MED13: variants seen among roughly 807,000 people sequenced by gnomAD.
The protein encoded by MED13 is mediator complex subunit 13.
Under a neutral mutation model 225.2 loss-of-function variants are expected in MED13, and 23 were observed. That is an observed-to-expected ratio of 0.10 (90% CI 0.07 to 0.14). MED13 has a LOEUF of 0.14. MED13 is among the 10% of genes least tolerant of loss of function. The probability of loss-of-function intolerance (pLI) is 1.00; values close to 1 mark genes in which losing one functional copy is unlikely to be tolerated. For synonymous variants in MED13, 942 were observed against 889.2 expected, an observed-to-expected ratio of 1.06 and a Z score of -1.06; for missense variants, 2,197 against 2,594.5, an observed-to-expected ratio of 0.85 and a Z score of 3.33.
At chr17:62,040,025 G>A (rs2080840255) in intron 3 of MED13, among the ~76,000 whole-genome samples, 1 of 152,074 alleles carries the variant, frequency 6.6e-6, no homozygotes, top group Admixed American at 6.6e-5. Flanking sequence ...TCCTGCCGCA[G>A]CCTCTTAAGT....
At chr17:62,044,646 T>C (rs2080883223) in intron 3 of MED13, among the ~76,000 whole-genome samples, 1 of 152,232 alleles carries the variant, frequency 6.6e-6, no homozygotes, top group Non-Finnish European at 1.5e-5. Context: ...CAAACACACA[T>C]ATATAACATG....
intron 9 of MED13, among the ~76,000 whole-genome samples, chr17:62,008,573 A>C (rs554484472): frequency 6.6e-6 from 1 of 152,262 alleles, no homozygotes; most frequent in African/African-American, 2.4e-5. Flanking sequence ...AATTATTTTC[A>C]ATTATGAAAC....
At chr17:62,024,601 T>A (rs771184069) in intron 8 of MED13, among the ~76,000 whole-genome samples, 1 of 152,158 alleles carries the variant, frequency 6.6e-6, no homozygotes, top group Non-Finnish European at 1.5e-5. Context: ...GGTAAACTCA[T>A]GTCATGGGGG....
In MED13 at chr17:62,029,964, A is replaced by G; in HGVS notation, c.1059T>C (p.Asp353=). Residue 353 remains aspartate (D), a synonymous_variant, in exon 7 of 30, where the codon GAT becomes GAC. Transcript: ENST00000397786. ...GGCTAGTACTATCGGAGTTGAAGCC[A>G]TCAGATACTGAAGAAAATTTGACCC... ...QKWVKFSSVS[D]GFNSDSTSHH... is the part of the protein sequence containing the mutation. 6.2e-7 allele frequency: 1 copy of G among 1,611,556 alleles called. No individual in the cohort carries two copies. Among genetic ancestry groups the G allele is most frequent in the Non-Finnish European group, 8.5e-7 (1 of 1,179,348 alleles).
At chr17:62,020,685 CTTTTTTT>C (rs78598460) in intron 8 of MED13, among the ~76,000 whole-genome samples, 7,743 of 100,760 alleles carry the variant, frequency 0.077, 275 homozygotes, top group Middle Eastern at 0.14. Flanking sequence ...GGCCTGCTTT[CTTTTTTT>C]TTTTTTTTTT....
At chr17:61,949,591 G>GC (rs1567936401) in intron 28 of MED13, among the ~76,000 whole-genome samples, 1 of 145,174 alleles carries the variant, frequency 6.9e-6, no homozygotes, top group Non-Finnish European at 1.5e-5. Context: ...AAACCACTCA[G>GC]TTTTTTTTTA....
chr17:61,961,659 A>C lies in MED13; in HGVS notation c.5185T>G (p.Ser1729Ala). 6.2e-7 allele frequency: 1 copy of C among 1,614,004 alleles called. No homozygotes were observed. The highest frequency in any genetic ancestry group is 8.5e-7 in the Non-Finnish European group (1 of 1,180,008). Residue 1729 changes from serine (S) to alanine (A), a missense_variant, in exon 22 of 30, where the codon TCA becomes GCA. Ser to Ala is a moderately conservative substitution (Grantham distance 99, BLOSUM62 1). Transcript: ENST00000397786. ...CCAGTCAATGTTTTCACATTGGTTGATGTTGGAAGTGGCCTCCGACACTGG... is the reference window on the plus strand; with the variant it reads ...CCAGTCAATGTTTTCACATTGGTTGCTGTTGGAAGTGGCCTCCGACACTGG... ...FTQCRRPLPTSTNVKTLTGFG... is the reference protein window; with the variant it reads ...FTQCRRPLPTATNVKTLTGFG...
intron 8 of MED13, among the ~76,000 whole-genome samples, chr17:62,025,369 A>T (rs1394984073): frequency 2.6e-5 from 4 of 152,250 alleles, no homozygotes; most frequent in African/African-American, 7.2e-5. Context: ...TAAAAAACGT[A>T]AAAATCATTT....
chr17:61,966,287 C>A (rs1158067171), intron 19 of MED13, among the ~76,000 whole-genome samples, 175 bp downstream of exon 19: 1 of 152,128 alleles, frequency 6.6e-6, no homozygotes, highest in Non-Finnish European at 1.5e-5. Flanking sequence ...GTCTTTGCAG[C>A]CACACAGTCT....
At position 61,995,038 on chromosome 17, in the gene MED13, TA is replaced by T; in HGVS notation, c.2181+113del. On this transcript the variant is annotated intron_variant, in intron 10 of 29. Coordinates refer to ENST00000397786, the MANE Select transcript of MED13 (RefSeq NM_005121.3). ...AAATAAGTTTTTCTAAATAAATGAT[TA>T]CTCTTTCTATTCTAAGACAAAAGAA... 3.7e-6 allele frequency: 3 copies of T among 816,094 alleles called. No individual in the cohort carries two copies. The Middle Eastern group carries it at 9.0e-4, about 246-fold the overall frequency. 50.6% of individuals were successfully genotyped at this position (816,094 alleles called of 1,614,324 possible). A position where few individuals can be genotyped will look rare whatever the true frequency, so the allele number is the denominator to read the frequency against.
intron 25 of MED13, 34 bp from the exon 26 acceptor site, chr17:61,955,601 C>T (rs748376113): frequency 2.8e-5 from 43 of 1,537,012 alleles, no homozygotes; most frequent in East Asian, 1.1e-4. Flanking sequence ...TTTTAATAAA[C>T]GAAGAATAAA....
chr17:61,969,400 G>T (rs1271961750), intron 17 of MED13, among the ~76,000 whole-genome samples: 1 of 152,046 alleles, frequency 6.6e-6, no homozygotes, highest in Non-Finnish European at 1.5e-5. Flanking sequence ...TGTAGGCCAG[G>T]TGCTGTGGCT....
chr17:61,985,169 T>G, intron 12 of MED13, 79 bp from the exon 13 acceptor site: 1 of 1,185,812 alleles, frequency 8.4e-7, no homozygotes, highest in Non-Finnish European at 1.2e-6. Context: ...AGATATAACT[T>G]AACAGTAAAG....
At chr17:62,005,262 A>T (rs865947808) in intron 9 of MED13, 1 of 152,184 alleles carries the variant, frequency 6.6e-6, no homozygotes, top group Non-Finnish European at 1.5e-5. Flanking sequence ...CACAATCCCT[A>T]AGAGTATACT....
chr17:61,973,274 T>A (rs2080125192), intron 16 of MED13, among the ~76,000 whole-genome samples: 3 of 152,174 alleles, frequency 2.0e-5, no homozygotes, highest in Non-Finnish European at 2.9e-5. Flanking sequence ...TCATTAGCAC[T>A]ACTATGGTAA....
chr17:61,947,527 A>C (rs1205969191), intron 28 of MED13, among the ~76,000 whole-genome samples: 6 of 152,218 alleles, frequency 3.9e-5, no homozygotes. Context: ...TCTGTCCTTA[A>C]GATATATGAC....
chr17:62,031,744 A>C, intron 5 of MED13, 106 bp from the exon 6 acceptor site: 1 of 562,006 alleles, frequency 1.8e-6, no homozygotes, highest in Non-Finnish European at 2.8e-6. Context: ...ATTTATACAA[A>C]TAAAAATACA....
At chr17:62,022,291 CT>C (rs1242113283) in intron 8 of MED13, among the ~76,000 whole-genome samples, 5 of 151,478 alleles carry the variant, frequency 3.3e-5, no homozygotes, top group Non-Finnish European at 5.9e-5. Context: ...CCTAGGACAC[CT>C]TCTGTCACAG....
chr17:62,049,281 T>C (rs2080932777), intron 3 of MED13, among the ~76,000 whole-genome samples: 1 of 152,076 alleles, frequency 6.6e-6, no homozygotes, highest in African/African-American at 2.4e-5. Flanking sequence ...TACAAAGTCC[T>C]TGAAGGTAGG....
Sources: allele counts gnomAD v4.1 joint callset (sites outside exome capture counted in the v4.1 genomes callset), GRCh38; gene constraint gnomAD v4.1.1; transcripts MANE v1.5; gene names NCBI Gene and HGNC (gene_info 2026-07-23, HGNC 2026-07-21).